CLMN: variants seen among roughly 807,000 people sequenced by gnomAD.
The protein encoded by CLMN is calmin, also known as calmin (calponin-like, transmembrane).
CLMN carries 57 observed loss-of-function variants against 92.7 expected under a neutral mutation model. The ratio of observed to expected loss-of-function variants is 0.61; its 90% CI spans 0.50 to 0.77. The LOEUF is 0.77. CLMN is among the 30% of genes least tolerant of loss of function. The pLI, the probability that CLMN is intolerant of heterozygous loss-of-function variation, is 0.00. For synonymous variants in CLMN, 466 were observed against 470.6 expected, an observed-to-expected ratio of 0.99 and a Z score of 0.13; for missense variants, 1,158 against 1,237.5, an observed-to-expected ratio of 0.94 and a Z score of 0.96.
intron 2 of CLMN, among the ~76,000 whole-genome samples, chr14:95,228,091 T>C (rs990900284): frequency 6.6e-6 from 1 of 152,160 alleles, no homozygotes; most frequent in Non-Finnish European, 1.5e-5. Context: ...CAGAGGTTCA[T>C]TTGGGGTGGT....
rs1199949988 is a variant in CLMN at position 95,190,963 on chromosome 14, T to C, written c.*601A>G. On this transcript the variant is annotated 3_prime_UTR_variant, in exon 13 of 13. Coordinates refer to ENST00000298912, the MANE Select transcript of CLMN (RefSeq NM_024734.4). ...GCACACAGTGGCTCTCAACACAGCT[T>C]TCACCTTCCTCCCTGGATTCTGCCA... 1.3e-5 allele frequency: 2 copies of C among 152,166 alleles called. No individual in the cohort carries two copies. Among genetic ancestry groups the C allele is most frequent in the Admixed American group, 1.3e-4 (2 of 15,276 alleles). The allele number at this position is 152,166 out of a possible 1,614,324, so 9.4% of individuals were successfully genotyped here.
At chr14:95,257,521 T>C (rs938044389) in intron 1 of CLMN, among the ~76,000 whole-genome samples, 5 of 152,256 alleles carry the variant, frequency 3.3e-5, no homozygotes, top group Non-Finnish European at 7.3e-5. Flanking sequence ...TTGTATTATT[T>C]AAGGGCCTGG....
chr14:95,312,549 T>C (rs1180438465), intron 1 of CLMN, among the ~76,000 whole-genome samples: 1 of 152,176 alleles, frequency 6.6e-6, no homozygotes, highest in African/African-American at 2.4e-5. Flanking sequence ...GTATTCTGCA[T>C]AGCAGCCTGA....
chr14:95,297,641 A>G (rs1270066450), intron 1 of CLMN, among the ~76,000 whole-genome samples: 2 of 152,174 alleles, frequency 1.3e-5, no homozygotes, highest in Non-Finnish European at 2.9e-5. Context: ...AGCTTCTTCC[A>G]CGTAGTAGAA....
chr14:95,316,478 C>G (rs1426550176), intron 1 of CLMN, among the ~76,000 whole-genome samples: 1 of 152,240 alleles, frequency 6.6e-6, no homozygotes, highest in Non-Finnish European at 1.5e-5. Context: ...GAGTGGCAGG[C>G]CTCTTGGGAG....
intron 1 of CLMN, among the ~76,000 whole-genome samples, chr14:95,268,287 A>G (rs1258278319): frequency 6.6e-6 from 1 of 151,934 alleles, no homozygotes; most frequent in East Asian, 1.9e-4. Context: ...AAATATGTGT[A>G]TCGTTTATGT....
At chr14:95,214,110 T>C (rs2140599001) in intron 5 of CLMN, among the ~76,000 whole-genome samples, 1 of 152,112 alleles carries the variant, frequency 6.6e-6, no homozygotes, top group South Asian at 2.1e-4. Flanking sequence ...CCATATAGGA[T>C]TGACTTGTCT....
In CLMN at chr14:95,216,605, GAC is replaced by G. The variant is rs1235825269; in HGVS notation, c.325-874_325-873del. ...CAGAGCACCGACATGAGCAGTCACG[GAC>G]TGTGGTGGGTGAGTTGACTGCTAAT... is the stretch of plus-strand genomic sequence containing the variant. On this transcript the variant is annotated intron_variant, in intron 4 of 12. Coordinates refer to ENST00000298912, the MANE Select transcript of CLMN (RefSeq NM_024734.4). Among the ~76,000 whole-genome samples the G allele has an allele frequency of 2.6e-5, 4 of 152,220 alleles. 1 individual carries two copies. The highest frequency in any genetic ancestry group is 2.6e-4 in the Admixed American group (4 of 15,286).
At chr14:95,318,963 C>G (rs114552007) in intron 1 of CLMN, among the ~76,000 whole-genome samples, 3,683 of 152,234 alleles carry the variant, frequency 0.024, 181 homozygotes, top group African/African-American at 0.085. Context: ...TGTGTGGCAC[C>G]GCCATACCCA....
chr14:95,240,190 G>A (rs1027065665), intron 1 of CLMN, among the ~76,000 whole-genome samples: 10 of 152,206 alleles, frequency 6.6e-5, no homozygotes, highest in African/African-American at 2.2e-4. Flanking sequence ...CTGTTGTGAA[G>A]CGATGTAGGA....
In CLMN at chr14:95,193,931, T is replaced by C. The variant is rs749069768; in HGVS notation, c.2770-12A>G. 6.2e-7 allele frequency: 1 copy of C among 1,612,298 alleles called. No individual in the cohort carries two copies. Among genetic ancestry groups the C allele is most frequent in the South Asian group, 1.1e-5 (1 of 90,224 alleles). ...TAGCTAAAATGATCCTACAGTGAAA[T>C]TTATAAACAAAAGCCCCCGCAACCC... On this transcript the variant is annotated splice_polypyrimidine_tract_variant and intron_variant, in intron 11 of 12. Coordinates refer to ENST00000298912, the MANE Select transcript of CLMN (RefSeq NM_024734.4).
At chr14:95,246,973 T>C (rs1487040226) in intron 1 of CLMN, among the ~76,000 whole-genome samples, 1 of 152,194 alleles carries the variant, frequency 6.6e-6, no homozygotes, top group Non-Finnish European at 1.5e-5. Context: ...TCTCCCTCTT[T>C]GCACCTGCCC....
chr14:95,221,153 C>T (rs1230917307), intron 4 of CLMN, among the ~76,000 whole-genome samples: 2 of 151,962 alleles, frequency 1.3e-5, no homozygotes, highest in Non-Finnish European at 2.9e-5. Flanking sequence ...CGTGATGAAA[C>T]GTCCTCCCTG....
chr14:95,213,631 C>G (rs1363827815), intron 5 of CLMN, among the ~76,000 whole-genome samples: 1 of 152,080 alleles, frequency 6.6e-6, no homozygotes, highest in Non-Finnish European at 1.5e-5. Context: ...TAATTACACT[C>G]TATAGGGAGG....
At chr14:95,192,721 C>T (rs769130730) in intron 12 of CLMN, 1 of 153,648 alleles carries the variant, frequency 6.5e-6, no homozygotes, top group Non-Finnish European at 1.4e-5. Context: ...AGGCTAGTCT[C>T]AAACTCCTGG....
chr14:95,288,244 C>T (rs193070775), intron 1 of CLMN, among the ~76,000 whole-genome samples: 10 of 152,278 alleles, frequency 6.6e-5, no homozygotes, highest in South Asian at 4.1e-4. Context: ...CAGCTGCAAA[C>T]CAGAGTTGCA....
At chr14:95,208,714 G>A (rs1897113901) in intron 8 of CLMN, among the ~76,000 whole-genome samples, 1 of 152,178 alleles carries the variant, frequency 6.6e-6, no homozygotes. Flanking sequence ...TTCTTTCTGA[G>A]GTTTCAGTCA....
Position 95,196,546 on chromosome 14 carries a change from G to T in CLMN, c.2660C>A (p.Ser887Tyr), listed in dbSNP as rs777222696. 1.2e-6 allele frequency: 2 copies of T among 1,614,028 alleles called. No homozygotes were observed. Among genetic ancestry groups the T allele is most frequent in the African/African-American group, 2.7e-5 (2 of 74,922 alleles). The change falls in exon 10 of 13, where the codon TCC (serine) becomes TAC (tyrosine). Residue 887 changes from serine to tyrosine, a missense_variant. Transcript: ENST00000298912. ...SLFVAPGSVQ[S>Y]SDDLEEDSSD... ...ACTGTCTTCTTCTAGGTCATCTGAG[G>T]ATTGAACACTTCCTGGTGCTACAAA...
chr14:95,200,726 G>A lies in CLMN; in HGVS notation c.2511+2112C>T, dbSNP rs1896854551. On this transcript the variant is annotated intron_variant, in intron 9 of 12. Coordinates refer to ENST00000298912, the MANE Select transcript of CLMN (RefSeq NM_024734.4). The stretch of plus-strand genomic sequence containing the variant: ...CAAGTGGCAGATAAGAATGTGACCA[G>A]CTGCTCAAGCTCAGAAGAGCGCATG... Among the ~76,000 whole-genome samples the A allele has an allele frequency of 2.0e-5, 3 of 152,186 alleles. No individual in the cohort carries two copies. In the South Asian group the frequency reaches 6.2e-4, roughly 32 times the overall value.
Sources: gnomAD v4.1 joint callset for allele counts (sites outside exome capture counted in the v4.1 genomes callset) on GRCh38, gnomAD v4.1.1 for gene constraint, MANE v1.5 for transcripts, NCBI Gene and HGNC (gene_info 2026-07-23, HGNC 2026-07-21) for gene names.